PTPN9: variants seen among roughly 807,000 people sequenced by gnomAD.
PTPN9 encodes tyrosine-protein phosphatase non-receptor type 9.
In PTPN9, 26 loss-of-function variants were observed where a neutral mutation model predicts 69.8. The observed-to-expected ratio is 0.37, with a 90% CI of 0.27 to 0.52. PTPN9 has a LOEUF of 0.52. Ranked by LOEUF, PTPN9 falls within the 20% of genes least tolerant of loss-of-function variation. The pLI is 0.91. For missense variants in PTPN9, 549 were observed against 740.3 expected, an observed-to-expected ratio of 0.74 and a Z score of 3.00; for synonymous variants, 274 against 272.5, an observed-to-expected ratio of 1.01 and a Z score of -0.05.
chr15:75,474,650 A>T (rs1430720558), intron 9 of PTPN9, among the ~76,000 whole-genome samples: 1 of 152,228 alleles, frequency 6.6e-6, no homozygotes, highest in Non-Finnish European at 1.5e-5. Flanking sequence ...TCCCAGAAGC[A>T]GTCAGTCACC....
At chr15:75,485,972 C>T (rs970211582) in intron 8 of PTPN9, among the ~76,000 whole-genome samples, 5 of 151,304 alleles carry the variant, frequency 3.3e-5, no homozygotes, top group African/African-American at 4.9e-5. Context: ...TGGTGGCGGG[C>T]GCCTGTAGTC....
intron 1 of PTPN9, among the ~76,000 whole-genome samples, chr15:75,571,430 CAT>C (rs958798666): frequency 6.6e-6 from 1 of 151,916 alleles, no homozygotes; most frequent in Non-Finnish European, 1.5e-5. Flanking sequence ...AAAGAAAAAA[CAT>C]AAAATTAAAA....
intron 8 of PTPN9, among the ~76,000 whole-genome samples, chr15:75,481,876 G>C (rs942132434): frequency 2.7e-5 from 4 of 146,666 alleles, no homozygotes; most frequent in Non-Finnish European, 6.0e-5. Context: ...CCTCCGGGAG[G>C]TGAGGGGGCG....
chr15:75,470,773 A>C lies in PTPN9; in HGVS notation c.1266T>G (p.Ser422=). 1 of 1,614,198 alleles carries C rather than the reference A, an allele frequency of 6.2e-7. No homozygotes were observed. Among genetic ancestry groups the C allele is most frequent in the Non-Finnish European group, 8.5e-7 (1 of 1,180,032 alleles). ...CTGTGAGGAAGCCAAATCGGATCCG[A>C]GAGTCTTTTTCTAAAGGCCAGTACT... is the stretch of plus-strand genomic sequence containing the variant. ...CGQYWPLEKD[S]RIRFGFLTVT... Residue 422 remains serine, a synonymous_variant, in exon 11 of 13, where the codon TCT becomes TCG. Coordinates refer to ENST00000618819, the MANE Select transcript of PTPN9 (RefSeq NM_002833.4).
In PTPN9 at chr15:75,486,781, G is replaced by GTTTTTTT. The variant is rs34430924; in HGVS notation, c.1062+3420_1062+3426dup. Among the ~76,000 whole-genome samples, 6 of 118,524 alleles carry GTTTTTTT rather than the reference G, an allele frequency of 5.1e-5. No individual in the cohort carries two copies. The South Asian group carries it at 1.4e-3, about 27-fold the overall frequency. The allele number at this position is 118,524 out of a possible 152,430, so 77.8% of individuals were successfully genotyped here. A position where few individuals can be genotyped will look rare whatever the true frequency, so the allele number is the denominator to read the frequency against. ...ATATGTGAAGTAATGCATATGTGGT[G>GTTTTTTT]TTTTTTTTTTTTTTTTTTTTGAGAC... On this transcript the variant is annotated intron_variant, in intron 8 of 12. Transcript: ENST00000618819.
At chr15:75,518,205 T>C (rs2074881614) in intron 4 of PTPN9, among the ~76,000 whole-genome samples, 1 of 151,790 alleles carries the variant, frequency 6.6e-6, no homozygotes, top group Admixed American at 6.6e-5. Context: ...TACCTCATCA[T>C]GTAGTGACCT....
Position 75,467,633 on chromosome 15 carries a change from G to C in PTPN9, c.*1136C>G. On this transcript the variant is annotated 3_prime_UTR_variant, in exon 13 of 13. Transcript: ENST00000618819. ...AAGGAACCATCCAGCAAAAGAAAAA[G>C]GGCCCCAGCTCATCCTCCCAGGGAG... 6.6e-6 allele frequency: 1 copy of C among 152,594 alleles called. No individual in the cohort carries two copies. Among genetic ancestry groups the C allele is most frequent in the Non-Finnish European group, 1.5e-5 (1 of 68,056 alleles). The allele number at this position is 152,594 out of a possible 1,614,324, so 9.5% of individuals were successfully genotyped here.
intron 1 of PTPN9, among the ~76,000 whole-genome samples, chr15:75,550,331 G>T (rs1465316981): frequency 2.0e-5 from 3 of 151,384 alleles, no homozygotes; most frequent in African/African-American, 7.3e-5. Flanking sequence ...ACATCCAGCT[G>T]ATTTTTGTAC....
At chr15:75,539,395 C>T (rs1017920749) in intron 1 of PTPN9, among the ~76,000 whole-genome samples, 4 of 151,514 alleles carry the variant, frequency 2.6e-5, no homozygotes, top group Admixed American at 6.6e-5. Flanking sequence ...CTCACTGCAA[C>T]CTCTGCCTCC....
At chr15:75,540,394 A>G (rs1329909020) in intron 1 of PTPN9, among the ~76,000 whole-genome samples, 1 of 152,126 alleles carries the variant, frequency 6.6e-6, no homozygotes, top group African/African-American at 2.4e-5. Context: ...CTCTACTAAA[A>G]ATACAAAAAT....
chr15:75,534,078 C>A (rs2074973399), intron 1 of PTPN9, among the ~76,000 whole-genome samples: 1 of 152,184 alleles, frequency 6.6e-6, no homozygotes, highest in Non-Finnish European at 1.5e-5. Context: ...AAGAACCAAT[C>A]CATCTTCTTA....
intron 1 of PTPN9, among the ~76,000 whole-genome samples, chr15:75,578,451 G>A (rs1424156205): frequency 6.6e-6 from 1 of 152,228 alleles, no homozygotes; most frequent in Admixed American, 6.5e-5. Context: ...CCTGGAATAG[G>A]GGGTGGGGTG....
intron 1 of PTPN9, among the ~76,000 whole-genome samples, chr15:75,551,866 C>T (rs2075057773): frequency 6.6e-6 from 1 of 151,360 alleles, no homozygotes; most frequent in Admixed American, 6.6e-5. Context: ...GGTGAAACCC[C>T]GTCTCCACTA....
At chr15:75,492,572 C>G (rs574396107) in intron 7 of PTPN9, among the ~76,000 whole-genome samples, 6 of 152,166 alleles carry the variant, frequency 3.9e-5, no homozygotes, top group Middle Eastern at 3.2e-3. Context: ...ATCCCCTCAG[C>G]GGATCCAAAG....
rs2074955680 is a variant in PTPN9 at position 75,530,688 on chromosome 15, TATAATATATATAATATATATTATTATATA to T, written c.64-3456_64-3428del. The stretch of plus-strand genomic sequence containing the variant: ...TATACTATTATATATATTATTATAT[TATAATATATATAATATATATTATTATATA>T]ATATATATAATATATATTATTATAT... On this transcript the variant is annotated intron_variant, in intron 1 of 12. Transcript: ENST00000618819. Among the ~76,000 whole-genome samples, 2 of 34,310 alleles carry T rather than the reference TATAATATATATAATATATATTATTATATA, an allele frequency of 5.8e-5. 1 individual carries two copies. Among genetic ancestry groups the T allele is most frequent in the Non-Finnish European group, 9.0e-5 (2 of 22,290 alleles). 22.5% of individuals were successfully genotyped at this position (34,310 alleles called of 152,430 possible).
At chr15:75,499,976 G>A (rs1026688694) in intron 7 of PTPN9, among the ~76,000 whole-genome samples, 4 of 152,008 alleles carry the variant, frequency 2.6e-5, no homozygotes, top group African/African-American at 9.7e-5. Flanking sequence ...TCAGGAGTTC[G>A]AGATCAGCCT....
chr15:75,558,676 G>A (rs1467707672), intron 1 of PTPN9, among the ~76,000 whole-genome samples: 1 of 152,218 alleles, frequency 6.6e-6, no homozygotes, highest in Admixed American at 6.5e-5. Context: ...CTGCAGGCGC[G>A]CGCCGCCACA....
At chr15:75,483,717 G>A (rs1329640881) in intron 8 of PTPN9, among the ~76,000 whole-genome samples, 3 of 152,176 alleles carry the variant, frequency 2.0e-5, no homozygotes, top group Admixed American at 6.6e-5. Context: ...GTTGGAGGCC[G>A]AAAGAATGAG....
At chr15:75,482,317 G>C (rs922011254) in intron 8 of PTPN9, among the ~76,000 whole-genome samples, 3 of 152,174 alleles carry the variant, frequency 2.0e-5, no homozygotes, top group Non-Finnish European at 4.4e-5. Context: ...TGTAATCCCA[G>C]CACTTTGGGA....
Sources: gnomAD v4.1 joint callset for allele counts (sites outside exome capture counted in the v4.1 genomes callset) on GRCh38, gnomAD v4.1.1 for gene constraint, MANE v1.5 for transcripts, NCBI Gene and HGNC (gene_info 2026-07-23, HGNC 2026-07-21) for gene names.